UBAC2: variants seen among roughly 807,000 people sequenced by gnomAD.
UBAC2 encodes the protein UBA domain containing 2, also known as ubiquitin-associated domain-containing protein 2.
In UBAC2, 26 loss-of-function variants were observed where a neutral mutation model predicts 44.0. That is an observed-to-expected ratio of 0.59 (90% CI 0.43 to 0.82). UBAC2 has a LOEUF of 0.82. Among genes scored for constraint, UBAC2 ranks in the 40% least tolerant of loss-of-function variants. The pLI is 0.00. For synonymous variants in UBAC2, 155 were observed against 154.3 expected, an observed-to-expected ratio of 1.00 and a Z score of -0.04; for missense variants, 329 against 419.4, an observed-to-expected ratio of 0.78 and a Z score of 1.88.
At chr13:99,222,382 G>A (rs1020235026) in intron 1 of UBAC2, among the ~76,000 whole-genome samples, 3 of 152,198 alleles carry the variant, frequency 2.0e-5, no homozygotes, top group Non-Finnish European at 2.9e-5. Flanking sequence ...CATAGGCCCT[G>A]TAGTGGGAGT....
At chr13:99,221,297 C>A (rs972038916) in intron 1 of UBAC2, among the ~76,000 whole-genome samples, 1 of 152,156 alleles carries the variant, frequency 6.6e-6, no homozygotes, top group Admixed American at 6.5e-5. Context: ...TTTTATATTT[C>A]GTTCACAATT....
At chr13:99,219,246 G>C (rs2043029181) in intron 1 of UBAC2, among the ~76,000 whole-genome samples, 1 of 152,168 alleles carries the variant, frequency 6.6e-6, no homozygotes, top group Non-Finnish European at 1.5e-5. Flanking sequence ...TCTGTCTTCA[G>C]CTAGAATGCT....
intron 6 of UBAC2, among the ~76,000 whole-genome samples, chr13:99,332,662 C>T (rs1217011470): frequency 1.3e-5 from 2 of 152,184 alleles, no homozygotes; most frequent in African/African-American, 4.8e-5. Context: ...GCTCAAACTC[C>T]AACTCGAGCT....
chr13:99,360,566 C>T (rs920935749), intron 7 of UBAC2, among the ~76,000 whole-genome samples: 3 of 152,196 alleles, frequency 2.0e-5, no homozygotes, highest in African/African-American at 7.2e-5. Flanking sequence ...GTCCCTCTGC[C>T]GTTATTCCTT....
chr13:99,215,316 C>T, intron 1 of UBAC2: 1 of 799,210 alleles, frequency 1.3e-6, no homozygotes, highest in Non-Finnish European at 2.3e-6. Flanking sequence ...ATCACCAACA[C>T]TGGACAGCTG....
At chr13:99,369,793 T>C (rs2045381482) in intron 8 of UBAC2, among the ~76,000 whole-genome samples, 2 of 152,350 alleles carry the variant, frequency 1.3e-5, no homozygotes, top group Admixed American at 1.3e-4. Context: ...GAACAAAGAA[T>C]TATTATGTTC....
rs763922274 is a variant in UBAC2, at chr13:99,385,202, G to C, written c.928-26G>C. ...ATAAGCGGCAATGTCAGCGCCCTCA[G>C]GTTTCTGCGTTTTCTCTGCCTGCAG... On this transcript the variant is annotated intron_variant, in intron 8 of 8. Coordinates refer to ENST00000403766, the MANE Select transcript of UBAC2 (RefSeq NM_001144072.2). 2.5e-6 allele frequency: 4 copies of C among 1,573,994 alleles called. No homozygotes were observed. In the South Asian group the frequency reaches 3.3e-5, roughly 13 times the overall value.
At chr13:99,345,328 G>GA (rs1171487585) in intron 7 of UBAC2, among the ~76,000 whole-genome samples, 1 of 150,924 alleles carries the variant, frequency 6.6e-6, no homozygotes, top group African/African-American at 2.5e-5. Flanking sequence ...AGTTATCTCA[G>GA]AAAAATGTCA....
chr13:99,239,027 G>C (rs2043271085), intron 2 of UBAC2, among the ~76,000 whole-genome samples: 1 of 152,222 alleles, frequency 6.6e-6, no homozygotes, highest in Non-Finnish European at 1.5e-5. Flanking sequence ...AAGAGCAGAA[G>C]TGCTTTTCAA....
intron 4 of UBAC2, among the ~76,000 whole-genome samples, chr13:99,245,073 A>T (rs898506313): frequency 6.6e-6 from 1 of 152,096 alleles, no homozygotes; most frequent in Non-Finnish European, 1.5e-5. Context: ...ACCTCAGGTG[A>T]TCCACCCGCC....
chr13:99,349,381 T>C (rs2045042289), intron 7 of UBAC2, among the ~76,000 whole-genome samples: 1 of 152,134 alleles, frequency 6.6e-6, no homozygotes, highest in Non-Finnish European at 1.5e-5. Flanking sequence ...GTTCTCCCCA[T>C]GTGCGGAGAT....
chr13:99,202,682 C>G (rs1288672954), intron 1 of UBAC2, among the ~76,000 whole-genome samples: 17 of 152,136 alleles, frequency 1.1e-4, no homozygotes, highest in Non-Finnish European at 1.5e-5. Flanking sequence ...CAAACTGTTG[C>G]CCAGGGAGAG....
chr13:99,276,053 A>G (rs1197268824), intron 4 of UBAC2, among the ~76,000 whole-genome samples: 1 of 152,166 alleles, frequency 6.6e-6, no homozygotes, highest in African/African-American at 2.4e-5. Flanking sequence ...TTGTATTTGT[A>G]CTGTCAGTGG....
chr13:99,296,336 T>C (rs1025388863), intron 4 of UBAC2, among the ~76,000 whole-genome samples: 3 of 152,256 alleles, frequency 2.0e-5, no homozygotes, highest in Admixed American at 2.0e-4. Flanking sequence ...AATTATAATA[T>C]GGTTACATAT....
rs144360478 is a variant in UBAC2, at chr13:99,368,348, A to G, written c.927+442A>G. 5.8e-4 allele frequency among the ~76,000 whole-genome samples: 89 copies of G among 152,372 alleles called. 1 individual carries two copies. Among genetic ancestry groups the G allele is most frequent in the African/African-American group, 2.1e-3 (87 of 41,596 alleles). ...GACAAATGTAAAACTGAAAAGAAACAAACAAATGCTCTAACTGCATTTCAA... is the reference window on the plus strand; with the variant it reads ...GACAAATGTAAAACTGAAAAGAAACGAACAAATGCTCTAACTGCATTTCAA... On this transcript the variant is annotated intron_variant, in intron 8 of 8. Transcript: ENST00000403766.
intron 6 of UBAC2, among the ~76,000 whole-genome samples, chr13:99,331,247 G>A (rs961954431): frequency 4.6e-5 from 7 of 151,898 alleles, no homozygotes; most frequent in South Asian, 2.1e-4. Context: ...TTTTTCTTCT[G>A]GCTGCTTTGA....
At chr13:99,277,599 C>T (rs1331653824) in intron 4 of UBAC2, among the ~76,000 whole-genome samples, 4 of 152,152 alleles carry the variant, frequency 2.6e-5, no homozygotes, top group Non-Finnish European at 5.9e-5. Flanking sequence ...AGAATACTTG[C>T]AGTTGTGAAA....
At chr13:99,217,175 G>A (rs1383178965) in intron 1 of UBAC2, among the ~76,000 whole-genome samples, 1 of 152,132 alleles carries the variant, frequency 6.6e-6, no homozygotes, top group Admixed American at 6.6e-5. Flanking sequence ...GGGTTTTAGT[G>A]GGGCTTGTTC....
intron 4 of UBAC2, among the ~76,000 whole-genome samples, chr13:99,257,545 C>G (rs567356608): frequency 6.6e-6 from 1 of 151,436 alleles, no homozygotes; most frequent in South Asian, 2.1e-4. Flanking sequence ...CATTTGCTGA[C>G]GTTTGAAAAA....
Sources: gnomAD v4.1 joint callset for allele counts (sites outside exome capture counted in the v4.1 genomes callset) on GRCh38, gnomAD v4.1.1 for gene constraint, MANE v1.5 for transcripts, NCBI Gene and HGNC (gene_info 2026-07-23, HGNC 2026-07-21) for gene names.